The following PACRG variants were observed in gnomAD, a reference collection of about 807,000 sequenced individuals.
The protein encoded by PACRG is parkin coregulated gene protein.
PACRG carries 29 observed loss-of-function variants against 29.7 expected under a neutral mutation model. That is an observed-to-expected ratio of 0.98 (90% CI 0.73 to 1.33). PACRG has a LOEUF of 1.33. Among genes scored for constraint, PACRG ranks in the 40% most tolerant of loss-of-function variants. The pLI, the probability that PACRG is intolerant of heterozygous loss-of-function variation, is 0.00. For missense variants in PACRG, 279 were observed against 316.2 expected, an observed-to-expected ratio of 0.88 and a Z score of 0.89; for synonymous variants, 116 against 118.7, an observed-to-expected ratio of 0.98 and a Z score of 0.15.
At chr6:162,912,835 G>C (rs1003338733) in intron 2 of PACRG, among the ~76,000 whole-genome samples, 1 of 151,298 alleles carries the variant, frequency 6.6e-6, no homozygotes, top group Non-Finnish European at 1.5e-5. Context: ...TTCCCAAAGT[G>C]CTGGGATTAC....
chr6:163,002,563 A>G (rs1232112823), intron 2 of PACRG, among the ~76,000 whole-genome samples: 1 of 152,224 alleles, frequency 6.6e-6, no homozygotes, highest in East Asian at 1.9e-4. Flanking sequence ...CAGTGCCTTG[A>G]TCATGATATA....
rs778928096 is a variant in PACRG, at chr6:163,315,149, G to T, written c.*162G>T. Reference sequence around the variant, plus strand: ...GGACTGTTAGCCCTATTGAGAGCAAGGCTTTCCAATACATAAATAGTGTCT... The same window carrying T: ...GGACTGTTAGCCCTATTGAGAGCAATGCTTTCCAATACATAAATAGTGTCT... On this transcript the variant is annotated 3_prime_UTR_variant, in exon 5 of 5. Transcript: ENST00000366888. 8.4e-5 allele frequency: 62 copies of T among 733,980 alleles called. No individual in the cohort carries two copies. The highest frequency in any genetic ancestry group is 1.1e-4 in the Non-Finnish European group (50 of 460,570). 45.5% of individuals were successfully genotyped at this position (733,980 alleles called of 1,614,324 possible).
chr6:162,994,626 C>G (rs1172228865), intron 2 of PACRG, among the ~76,000 whole-genome samples: 5 of 148,770 alleles, frequency 3.4e-5, no homozygotes, highest in Non-Finnish European at 7.4e-5. Context: ...ATTGGTTATT[C>G]TAGTTATACA....
Position 162,774,574 on chromosome 6 carries a change from C to A in PACRG, c.157-39573C>A, listed in dbSNP as rs1206250923. ...GAGAAAAGTCAGGATATTCTATTAA[C>A]AAGATAATCATTTTATCCTATTCTT... On this transcript the variant is annotated intron_variant, in intron 1 of 4. Coordinates refer to ENST00000366888, the MANE Select transcript of PACRG (RefSeq NM_001080379.2). 2.6e-5 allele frequency among the ~76,000 whole-genome samples: 4 copies of A among 152,154 alleles called. No homozygotes were observed. In the South Asian group the frequency reaches 8.3e-4, roughly 32 times the overall value.
chr6:162,985,161 T>TCA (rs1802778024), intron 2 of PACRG, among the ~76,000 whole-genome samples: 2 of 152,064 alleles, frequency 1.3e-5, no homozygotes, highest in Non-Finnish European at 2.9e-5. Flanking sequence ...ATTGACACTA[T>TCA]TCCAAAAGAT....
At chr6:162,787,608 A>C (rs1302061297) in intron 1 of PACRG, among the ~76,000 whole-genome samples, 2 of 139,704 alleles carry the variant, frequency 1.4e-5, no homozygotes, top group Admixed American at 1.5e-4. Flanking sequence ...ATATATATAT[A>C]TATATATATA....
chr6:162,752,232 A>G (rs762357952), intron 1 of PACRG, among the ~76,000 whole-genome samples: 2 of 152,112 alleles, frequency 1.3e-5, no homozygotes, highest in Non-Finnish European at 2.9e-5. Flanking sequence ...AAGCAATATT[A>G]TGCATTTTAC....
At chr6:163,187,309 C>T (rs903911072) in intron 4 of PACRG, among the ~76,000 whole-genome samples, 1 of 152,146 alleles carries the variant, frequency 6.6e-6, no homozygotes, top group African/African-American at 2.4e-5. Context: ...GGACGCCACC[C>T]TCGCCCACCC....
intron 2 of PACRG, among the ~76,000 whole-genome samples, chr6:162,872,504 G>T (rs551261053): frequency 6.6e-6 from 1 of 152,040 alleles, no homozygotes; most frequent in Non-Finnish European, 1.5e-5. Flanking sequence ...ATAAGAAATT[G>T]CTCATTTCCA....
chr6:162,997,466 C>G, intron 2 of PACRG: 1 of 450,824 alleles, frequency 2.2e-6, no homozygotes. Flanking sequence ...CAGATGAAAA[C>G]TACTGACAGA....
At chr6:163,123,805 G>A (rs972492574) in intron 4 of PACRG, among the ~76,000 whole-genome samples, 6 of 152,134 alleles carry the variant, frequency 3.9e-5, no homozygotes, top group South Asian at 2.1e-4. Context: ...AGATCTGTCC[G>A]TGTTGTCACA....
rs371302200 is a variant in PACRG, at chr6:163,107,974, C to T, written c.613+18566C>T. ...GATATATAGGAATCCTGCTTTCCTCCGAATGTGTAAAAATTAATAACTGTT... is the reference window on the plus strand; with the variant it reads ...GATATATAGGAATCCTGCTTTCCTCTGAATGTGTAAAAATTAATAACTGTT... On this transcript the variant is annotated intron_variant, in intron 4 of 4. Coordinates refer to ENST00000366888, the MANE Select transcript of PACRG (RefSeq NM_001080379.2). Among the ~76,000 whole-genome samples, 43 of 152,264 alleles carry T rather than the reference C, an allele frequency of 2.8e-4. No individual in the cohort carries two copies. In the East Asian group the frequency reaches 3.1e-3, roughly 11 times the overall value.
At chr6:162,893,432 G>A (rs558746162) in intron 2 of PACRG, among the ~76,000 whole-genome samples, 1 of 152,282 alleles carries the variant, frequency 6.6e-6, no homozygotes, top group East Asian at 1.9e-4. Context: ...CGTTTTACCA[G>A]CAGATCAGGA....
chr6:163,093,436 A>G (rs1814296368), intron 4 of PACRG, among the ~76,000 whole-genome samples: 1 of 152,256 alleles, frequency 6.6e-6, no homozygotes, highest in Non-Finnish European at 1.5e-5. Context: ...TAAAGGTTAC[A>G]GAAAATTAAA....
chr6:162,744,556 G>GA (rs1780843443), intron 1 of PACRG, among the ~76,000 whole-genome samples: 1 of 152,092 alleles, frequency 6.6e-6, no homozygotes, highest in Non-Finnish European at 1.5e-5. Flanking sequence ...GATCATCACT[G>GA]CACTCCAGCC....
intron 4 of PACRG, among the ~76,000 whole-genome samples, chr6:163,283,786 C>T (rs1220433626): frequency 9.1e-5 from 12 of 131,826 alleles, no homozygotes; most frequent in South Asian, 7.3e-4. Context: ...CCGGCCTGGG[C>T]GACAGAGCGA....
intron 4 of PACRG, among the ~76,000 whole-genome samples, chr6:163,122,304 CTTCCTT>C (rs1210987776): frequency 6.6e-6 from 1 of 151,750 alleles, no homozygotes; most frequent in Non-Finnish European, 1.5e-5. Context: ...CACACACACA[CTTCCTT>C]TTCTATTTGT....
chr6:162,783,284 C>T (rs1010938761), intron 1 of PACRG, among the ~76,000 whole-genome samples: 1 of 151,800 alleles, frequency 6.6e-6, no homozygotes, highest in Non-Finnish European at 1.5e-5. Context: ...ATTCACAATT[C>T]TAAAATAGCA....
intron 2 of PACRG, among the ~76,000 whole-genome samples, chr6:163,036,475 G>T (rs1808199701): frequency 6.6e-6 from 1 of 152,190 alleles, no homozygotes; most frequent in African/African-American, 2.4e-5. Context: ...AATTGAAAGT[G>T]CAGGAGCCTA....
Sources: gnomAD v4.1 joint callset for allele counts (sites outside exome capture counted in the v4.1 genomes callset) on GRCh38, gnomAD v4.1.1 for gene constraint, MANE v1.5 for transcripts, NCBI Gene and HGNC (gene_info 2026-07-23, HGNC 2026-07-21) for gene names.